TACR1: variants seen among roughly 807,000 people sequenced by gnomAD.
TACR1 encodes the protein tachykinin receptor 1.
A neutral mutation model predicts 35.8 loss-of-function variants in TACR1; 25 were observed. That is an observed-to-expected ratio of 0.70 (90% CI 0.51 to 0.98). The LOEUF (loss-of-function observed/expected upper bound fraction) is 0.98, where lower values mean the gene tolerates loss of function less well. TACR1 is among the 50% of genes least tolerant of loss of function. TACR1 has a pLI of 0.00. For synonymous variants in TACR1, 195 were observed against 206.7 expected (o/e 0.94, Z 0.48); for missense variants, 478 against 522.9 (o/e 0.91, Z 0.84).
At position 75,049,649 on chromosome 2, in the gene TACR1, A is replaced by C; in HGVS notation, c.1007T>G (p.Met336Arg). ...ISAGDYEGLE[M>R]KSTRYLQTQG... ...GGTCTGGAGATACCGGGTGGATTTC[A>C]TTTCCAGCCCCTCATAGTCGCCGGC... The change falls in exon 5 of 5, where the codon ATG (methionine) becomes AGG (arginine). Residue 336 changes from methionine (M) to arginine (R), a missense_variant. By Grantham distance (91) the Met-to-Arg change is moderately conservative (BLOSUM62 -1). Coordinates refer to ENST00000305249, the MANE Select transcript of TACR1 (RefSeq NM_001058.4). 1.9e-6 allele frequency: 3 copies of C among 1,614,128 alleles called. No individual in the cohort carries two copies. Among genetic ancestry groups the C allele is most frequent in the Non-Finnish European group, 1.7e-6 (2 of 1,180,020 alleles).
chr2:75,098,832 G>A (rs914957570), intron 2 of TACR1, among the ~76,000 whole-genome samples: 10 of 151,894 alleles, frequency 6.6e-5, no homozygotes, highest in African/African-American at 2.4e-4. Flanking sequence ...TTTTAGGAAT[G>A]TTCTTTTTAA....
chr2:75,191,871 T>TTGGATAGG (rs1202154798), intron 1 of TACR1, among the ~76,000 whole-genome samples: 1 of 152,040 alleles, frequency 6.6e-6, no homozygotes, highest in Non-Finnish European at 1.5e-5. Flanking sequence ...TGCCAGGCAC[T>TTGGATAGG]TGGATAGGTT....
rs191601117 is a variant in TACR1 at position 75,188,566 on chromosome 2, C to T, written c.389+9980G>A. On this transcript the variant is annotated intron_variant, in intron 1 of 4. Coordinates refer to ENST00000305249, the MANE Select transcript of TACR1 (RefSeq NM_001058.4). ...GAGCTGTAAAGGCAGAGTATCATTA[C>T]AGATTATTTTTTATTATCTGAAATA... The T allele has an allele frequency of 2.6e-5, 4 of 152,296 alleles. No individual in the cohort carries two copies. In the East Asian group the frequency reaches 5.8e-4, roughly 22 times the overall value. 9.4% of individuals were successfully genotyped at this position (152,296 alleles called of 1,614,324 possible). A position where few individuals can be genotyped will look rare whatever the true frequency, so the allele number is the denominator to read the frequency against.
chr2:75,138,112 C>T (rs1330404994), intron 1 of TACR1, among the ~76,000 whole-genome samples: 1 of 152,156 alleles, frequency 6.6e-6, no homozygotes, highest in Non-Finnish European at 1.5e-5. Context: ...AACTGGGGTT[C>T]GTGGATATGC....
chr2:75,065,060 C>T (rs576236650), intron 2 of TACR1, among the ~76,000 whole-genome samples: 1 of 152,322 alleles, frequency 6.6e-6, no homozygotes, highest in East Asian at 1.9e-4. Flanking sequence ...TTCCTGGAAT[C>T]TCTGAGGATG....
intron 1 of TACR1, among the ~76,000 whole-genome samples, chr2:75,157,414 G>A (rs1361449884): frequency 6.6e-6 from 1 of 152,152 alleles, no homozygotes; most frequent in Non-Finnish European, 1.5e-5. Flanking sequence ...TGACAAACAA[G>A]CATCATAACG....
chr2:75,070,901 G>C (rs890976008), intron 2 of TACR1, among the ~76,000 whole-genome samples: 1 of 152,032 alleles, frequency 6.6e-6, no homozygotes, highest in Non-Finnish European at 1.5e-5. Flanking sequence ...TTCAAAGCAA[G>C]TCGCCATCTG....
rs1222630586 is a variant in TACR1, at chr2:75,049,181, G to A, written c.*251C>T. Reference sequence around the variant, plus strand: ...ATGGGCTTTTGGGAAAAGCTGGTCCGACCTTTTATTTTACAGGCTCAGCAA... The same window carrying A: ...ATGGGCTTTTGGGAAAAGCTGGTCCAACCTTTTATTTTACAGGCTCAGCAA... On this transcript the variant is annotated 3_prime_UTR_variant, in exon 5 of 5. Coordinates refer to ENST00000305249, the MANE Select transcript of TACR1 (RefSeq NM_001058.4). 4.8e-5 allele frequency: 23 copies of A among 481,662 alleles called. No homozygotes were observed. Among genetic ancestry groups the A allele is most frequent in the South Asian group, 8.0e-5 (2 of 25,132 alleles). 29.8% of individuals were successfully genotyped at this position (481,662 alleles called of 1,614,324 possible).
rs533096825 is a variant in TACR1, at chr2:75,105,011, A to T, written c.584+15563T>A. ...AAAAAATTAAAAATAGAAATATCATATGGTTCAGCAAACCTACTTGTGGGT... is the reference window on the plus strand; with the variant it reads ...AAAAAATTAAAAATAGAAATATCATTTGGTTCAGCAAACCTACTTGTGGGT... On this transcript the variant is annotated intron_variant, in intron 2 of 4. Coordinates refer to ENST00000305249, the MANE Select transcript of TACR1 (RefSeq NM_001058.4). Among the ~76,000 whole-genome samples the T allele has an allele frequency of 6.6e-5, 10 of 152,200 alleles. No homozygotes were observed. In the South Asian group the frequency reaches 2.1e-3, roughly 32 times the overall value.
chr2:75,080,613 C>T (rs1029025879), intron 2 of TACR1, among the ~76,000 whole-genome samples: 3 of 152,166 alleles, frequency 2.0e-5, no homozygotes, highest in African/African-American at 7.2e-5. Flanking sequence ...CTACAGAGGA[C>T]AGAAGATCAG....
At chr2:75,092,379 C>T (rs145226512) in intron 2 of TACR1, among the ~76,000 whole-genome samples, 2 of 151,978 alleles carry the variant, frequency 1.3e-5, no homozygotes, top group East Asian at 3.9e-4. Context: ...CAAGTCCCTG[C>T]CAGTTAATAG....
Position 75,048,784 on chromosome 2 carries a change from T to A in TACR1, c.*648A>T, listed in dbSNP as rs1377672531. ...GCAGGTATCAGTGGACATATTCTGCTTGCGTCGGCTGCTCAGGACAGTCAC... is the reference window on the plus strand; with the variant it reads ...GCAGGTATCAGTGGACATATTCTGCATGCGTCGGCTGCTCAGGACAGTCAC... On this transcript the variant is annotated 3_prime_UTR_variant, in exon 5 of 5. Coordinates refer to ENST00000305249, the MANE Select transcript of TACR1 (RefSeq NM_001058.4). 1.3e-5 allele frequency: 2 copies of A among 152,224 alleles called. No individual in the cohort carries two copies. The highest frequency in any genetic ancestry group is 1.3e-4 in the Admixed American group (2 of 15,274). The allele number at this position is 152,224 out of a possible 1,614,324, so 9.4% of individuals were successfully genotyped here. A position where few individuals can be genotyped will look rare whatever the true frequency, so the allele number is the denominator to read the frequency against.
intron 1 of TACR1, among the ~76,000 whole-genome samples, chr2:75,146,161 C>T (rs540923324): frequency 3.3e-5 from 5 of 152,236 alleles, no homozygotes; most frequent in East Asian, 1.9e-4. Flanking sequence ...CTCTCTCTGT[C>T]GCCCAGTCTG....
chr2:75,161,502 G>T (rs1675009049), intron 1 of TACR1, among the ~76,000 whole-genome samples: 1 of 151,980 alleles, frequency 6.6e-6, no homozygotes, highest in Non-Finnish European at 1.5e-5. Flanking sequence ...TTTATTTTTG[G>T]CATTGATAGG....
At chr2:75,094,190 C>G (rs1300626883) in intron 2 of TACR1, among the ~76,000 whole-genome samples, 1 of 152,110 alleles carries the variant, frequency 6.6e-6, no homozygotes, top group African/African-American at 2.4e-5. Context: ...GAAAAAAGCT[C>G]TACAGTTTTC....
chr2:75,144,194 TG>T (rs1674462413), intron 1 of TACR1, among the ~76,000 whole-genome samples: 1 of 152,190 alleles, frequency 6.6e-6, no homozygotes, highest in African/African-American at 2.4e-5. Flanking sequence ...AGAAGTTCAG[TG>T]GGAGCTGATC....
chr2:75,195,407 C>T (rs201747171), intron 1 of TACR1, among the ~76,000 whole-genome samples: 1 of 143,936 alleles, frequency 6.9e-6, no homozygotes, highest in Non-Finnish European at 1.5e-5. Context: ...TCCTTTCCCC[C>T]CATCCCTTTT....
chr2:75,094,831 G>A (rs1449808388), intron 2 of TACR1, among the ~76,000 whole-genome samples: 2 of 112,978 alleles, frequency 1.8e-5, no homozygotes, highest in African/African-American at 5.4e-5. Flanking sequence ...AGCTGAGGAA[G>A]CAGAAACATA....
intron 1 of TACR1, among the ~76,000 whole-genome samples, chr2:75,183,375 C>T (rs892511824): frequency 2.0e-5 from 3 of 152,042 alleles, no homozygotes; most frequent in Non-Finnish European, 1.5e-5. Context: ...AAAATTGCAG[C>T]GTTTATCTAT....
Sources: allele counts gnomAD v4.1 joint callset (sites outside exome capture counted in the v4.1 genomes callset), GRCh38; gene constraint gnomAD v4.1.1; transcripts MANE v1.5; gene names NCBI Gene and HGNC (gene_info 2026-07-23, HGNC 2026-07-21).